Variants in DSCAM observed in about 807,000 individuals in gnomAD.
The protein encoded by DSCAM is cell adhesion molecule DSCAM.
A neutral mutation model predicts 217.7 loss-of-function variants in DSCAM; 47 were observed. That is an observed-to-expected ratio of 0.22 (90% CI 0.17 to 0.28). DSCAM has a LOEUF of 0.28. Ranked by LOEUF, DSCAM falls within the 10% of genes least tolerant of loss-of-function variation. The probability of loss-of-function intolerance (pLI) is 1.00; values close to 1 mark genes in which losing one functional copy is unlikely to be tolerated. For synonymous variants in DSCAM, 1,056 were observed against 1,015.3 expected (o/e 1.04, Z -0.76); for missense variants, 2,080 against 2,618.3 (o/e 0.79, Z 4.49).
At chr21:40,142,530 A>G in intron 18 of DSCAM, 28 bp downstream of exon 18, 1 of 1,611,310 alleles carries the variant, frequency 6.2e-7, no homozygotes, top group Non-Finnish European at 8.5e-7. Flanking sequence ...CTGGAGGCAA[A>G]CCCAAAGTCC....
At chr21:40,363,709 C>T (rs1319503304) in intron 4 of DSCAM, among the ~76,000 whole-genome samples, 1 of 152,118 alleles carries the variant, frequency 6.6e-6, no homozygotes, top group Non-Finnish European at 1.5e-5. Context: ...ATCTTCTGCA[C>T]AGCAAAAGAA....
intron 10 of DSCAM, among the ~76,000 whole-genome samples, chr21:40,287,805 T>A (rs572410301): frequency 6.6e-6 from 1 of 152,018 alleles, no homozygotes; most frequent in Non-Finnish European, 1.5e-5. Flanking sequence ...AGTGCAGAAG[T>A]GACAGCCTCC....
At chr21:40,238,184 T>A (rs951366850) in intron 11 of DSCAM, among the ~76,000 whole-genome samples, 4 of 152,120 alleles carry the variant, frequency 2.6e-5, no homozygotes, top group African/African-American at 7.2e-5. Flanking sequence ...CCTCCAGGAA[T>A]AGAAATATAA....
rs952038045 is a variant in DSCAM, at chr21:40,470,937, C to A, written c.509-101692G>T. Among the ~76,000 whole-genome samples, 23 of 152,192 alleles carry A rather than the reference C, an allele frequency of 1.5e-4. 1 individual carries two copies. Among genetic ancestry groups the A allele is most frequent in the African/African-American group, 4.8e-4 (20 of 41,452 alleles). ...GTCTTAGAATGCCACATGTAGAAGA[C>A]AAATTACAAATTATTTTTGTCTAGC... On this transcript the variant is annotated intron_variant, in intron 3 of 32. Coordinates refer to ENST00000400454, the MANE Select transcript of DSCAM (RefSeq NM_001389.5).
At chr21:40,054,006 G>C (rs542128766) in intron 29 of DSCAM, among the ~76,000 whole-genome samples, 2 of 152,250 alleles carry the variant, frequency 1.3e-5, no homozygotes, top group African/African-American at 4.8e-5. Flanking sequence ...TTCCTATGTT[G>C]GCTGGAAGGG....
At chr21:40,247,876 C>T (rs181931512) in intron 11 of DSCAM, among the ~76,000 whole-genome samples, 11 of 152,314 alleles carry the variant, frequency 7.2e-5, no homozygotes, top group East Asian at 1.9e-4. Context: ...GCCCCTGCAG[C>T]GAACTTTTGC....
intron 3 of DSCAM, among the ~76,000 whole-genome samples, chr21:40,583,399 A>C (rs1245821510): frequency 6.6e-6 from 1 of 152,164 alleles, no homozygotes; most frequent in African/African-American, 2.4e-5. Flanking sequence ...TATAACCCAC[A>C]AACGAACCCA....
intron 18 of DSCAM, among the ~76,000 whole-genome samples, chr21:40,138,914 T>C (rs2090252117): frequency 6.9e-6 from 1 of 145,224 alleles, no homozygotes; most frequent in South Asian, 2.2e-4. Context: ...GTGTGTGGTG[T>C]GTATGTGTGG....
Position 40,212,989 on chromosome 21 carries a change from G to A in DSCAM, c.2357-23751C>T, listed in dbSNP as rs76605611. Among the ~76,000 whole-genome samples, 213 of 152,290 alleles carry A rather than the reference G, an allele frequency of 1.4e-3. 4 individuals are homozygous for A. The East Asian group carries it at 0.028, about 20-fold the overall frequency. On this transcript the variant is annotated intron_variant, in intron 11 of 32. Coordinates refer to ENST00000400454, the MANE Select transcript of DSCAM (RefSeq NM_001389.5). Reference sequence around the variant, plus strand: ...AGCCTCTGGAGGCTGGGAGAGGTGAGGAACTGATGTGCCCTCAGAGCCTCC... The same window carrying A: ...AGCCTCTGGAGGCTGGGAGAGGTGAAGAACTGATGTGCCCTCAGAGCCTCC...
chr21:40,481,021 C>T (rs977037454), intron 3 of DSCAM, among the ~76,000 whole-genome samples: 1 of 152,216 alleles, frequency 6.6e-6, no homozygotes, highest in Non-Finnish European at 1.5e-5. Context: ...TGAAATGCTG[C>T]AGCTAGAAGG....
chr21:40,362,359 C>T (rs1443065153), intron 4 of DSCAM, among the ~76,000 whole-genome samples: 4 of 152,054 alleles, frequency 2.6e-5, no homozygotes, highest in Admixed American at 1.3e-4. Context: ...TAACTTGTTC[C>T]GTTATTGCCA....
chr21:40,608,039 A>T (rs956580995), intron 3 of DSCAM, among the ~76,000 whole-genome samples: 3 of 152,208 alleles, frequency 2.0e-5, no homozygotes, highest in African/African-American at 7.2e-5. Context: ...TGGTGTTGCC[A>T]TCACTCTTGT....
intron 3 of DSCAM, among the ~76,000 whole-genome samples, chr21:40,505,753 T>TA (rs2076205362): frequency 6.6e-6 from 1 of 152,188 alleles, no homozygotes; most frequent in African/African-American, 2.4e-5. Flanking sequence ...GCTCATCACG[T>TA]AAAATCACTC....
At chr21:40,281,765 T>C (rs550371873) in intron 10 of DSCAM, among the ~76,000 whole-genome samples, 1 of 152,346 alleles carries the variant, frequency 6.6e-6, no homozygotes, top group South Asian at 2.1e-4. Flanking sequence ...TTGAGCATCA[T>C]GAATGTATTG....
Position 40,717,812 on chromosome 21 carries a change from G to C in DSCAM, c.44-9041C>G, listed in dbSNP as rs576838768. On this transcript the variant is annotated intron_variant, in intron 1 of 32. Coordinates refer to ENST00000400454, the MANE Select transcript of DSCAM (RefSeq NM_001389.5). ...TTTTTATGGTATCTAAATTATATTT[G>C]AATAAAGCTATTTTAAAAAGTAGGA... is the stretch of plus-strand genomic sequence containing the variant. Among the ~76,000 whole-genome samples, 7 of 152,266 alleles carry C rather than the reference G, an allele frequency of 4.6e-5. No individual in the cohort carries two copies. The South Asian group carries it at 1.2e-3, about 27-fold the overall frequency.
intron 1 of DSCAM, among the ~76,000 whole-genome samples, chr21:40,740,437 C>A (rs909788660): frequency 1.3e-5 from 2 of 152,178 alleles, no homozygotes; most frequent in Non-Finnish European, 2.9e-5. Context: ...CCTCCTCCCC[C>A]AATATGTTTC....
intron 2 of DSCAM, among the ~76,000 whole-genome samples, chr21:40,700,494 C>T (rs2090643812): frequency 6.6e-6 from 1 of 152,094 alleles, no homozygotes; most frequent in Non-Finnish European, 1.5e-5. Context: ...TGAAACTCAC[C>T]TTGCATTATG....
At chr21:40,220,640 A>G (rs774006241) in intron 11 of DSCAM, among the ~76,000 whole-genome samples, 5 of 152,198 alleles carry the variant, frequency 3.3e-5, no homozygotes, top group Admixed American at 6.5e-5. Context: ...AGTCTCCACA[A>G]TTTTGGTGCC....
intron 3 of DSCAM, among the ~76,000 whole-genome samples, chr21:40,659,480 T>A (rs1457594826): frequency 6.6e-6 from 1 of 152,140 alleles, no homozygotes; most frequent in Non-Finnish European, 1.5e-5. Flanking sequence ...CTACTATCCA[T>A]CTATCTACTA....
Sources: gnomAD v4.1 joint callset for allele counts (sites outside exome capture counted in the v4.1 genomes callset) on GRCh38, gnomAD v4.1.1 for gene constraint, MANE v1.5 for transcripts, NCBI Gene and HGNC (gene_info 2026-07-23, HGNC 2026-07-21) for gene names.